Variants in C4orf50 observed in about 807,000 individuals in gnomAD.
C4orf50 encodes chromosome 4 open reading frame 50, also known as uncharacterized protein C4orf50.
Under a neutral mutation model 77.2 loss-of-function variants are expected in C4orf50, and 80 were observed. The observed-to-expected ratio is 1.04, with a 90% CI of 0.87 to 1.25. The LOEUF is 1.25. C4orf50 is among the 50% of genes most tolerant of loss of function. C4orf50 has a pLI of 0.00. For synonymous variants in C4orf50, 532 were observed against 465.3 expected, an observed-to-expected ratio of 1.14 and a Z score of -1.84; for missense variants, 1,257 against 1,152.9, an observed-to-expected ratio of 1.09 and a Z score of -1.31.
chr4:5,979,068 T>C (rs1464867321), intron 29 of C4orf50, among the ~76,000 whole-genome samples: 1 of 152,224 alleles, frequency 6.6e-6, no homozygotes, highest in Non-Finnish European at 1.5e-5. Flanking sequence ...GATAACGAGT[T>C]ATGGGCAAAT....
rs1280812498 is a variant in C4orf50, at chr4:5,973,666, AC to A, written c.4096del (p.Val1366SerfsTer14). ...CCATCTCTGGGACTCTACCTCTGGG[AC>A]TCCCGGAGCCAGGAAGGTGGCCGTG... On this transcript the variant is annotated frameshift_variant, in exon 31 of 34. Coordinates refer to ENST00000531445, the Ensembl canonical transcript of C4orf50. LOFTEE classifies it high-confidence loss of function. The A allele has an allele frequency of 6.2e-7, 1 of 1,611,280 alleles. No homozygotes were observed. Among genetic ancestry groups the A allele is most frequent in the East Asian group, 2.2e-5 (1 of 44,790 alleles).
rs917040467 is a variant in C4orf50, at chr4:5,908,582, A to G, written c.*2475-10394T>C. ...CGACCATGCGATGGGGAGGGGGGAA[A>G]GCCCTGGGGTATCAGAAAATGAGGG... On this transcript the variant is annotated intron_variant, in intron 7 of 7. Coordinates refer to the C4orf50 transcript ENST00000324058. The surrounding 1 kb of genome is among the most constrained non-coding windows in gnomAD (Gnocchi z 5.6). Among the ~76,000 whole-genome samples, 4 of 152,182 alleles carry G rather than the reference A, an allele frequency of 2.6e-5. No homozygotes were observed. The highest frequency in any genetic ancestry group is 2.0e-4 in the Admixed American group (3 of 15,282).
chr4:5,911,544 C>T (rs1716806998), intron 7 of C4orf50, among the ~76,000 whole-genome samples: 1 of 152,204 alleles, frequency 6.6e-6, no homozygotes, highest in South Asian at 2.1e-4. Context: ...GCCTACAGGT[C>T]CATCAGAATG....
rs1157795284 is a variant in C4orf50 at position 6,017,357 on chromosome 4, C to T, written c.287+788G>A. On this transcript the variant is annotated intron_variant, in intron 23 of 33. Transcript: ENST00000531445. The surrounding 1 kb of genome is among the most constrained non-coding windows in gnomAD (Gnocchi z 4.7). Reference sequence around the variant, plus strand: ...CGGGAGCTGGGACCGCAGAGGAAGCCGAGAGCACATCTGAGTTACAGCCAC... The same window carrying T: ...CGGGAGCTGGGACCGCAGAGGAAGCTGAGAGCACATCTGAGTTACAGCCAC... Among the ~76,000 whole-genome samples the T allele has an allele frequency of 2.0e-5, 3 of 152,158 alleles. No individual in the cohort carries two copies. Among genetic ancestry groups the T allele is most frequent in the Admixed American group, 6.5e-5 (1 of 15,276 alleles).
At chr4:5,911,439 G>A (rs1370743229) in intron 7 of C4orf50, among the ~76,000 whole-genome samples, 2 of 152,164 alleles carry the variant, frequency 1.3e-5, no homozygotes, top group African/African-American at 4.8e-5. Context: ...GTGAAGCCAG[G>A]GAGGGAATGC....
At chr4:5,912,728 C>T (rs1164592574) in intron 7 of C4orf50, among the ~76,000 whole-genome samples, 1 of 152,164 alleles carries the variant, frequency 6.6e-6, no homozygotes, top group Non-Finnish European at 1.5e-5. Flanking sequence ...GAGAGCCTGG[C>T]CCAGAGCCTT....
chr4:6,003,905 T>C (rs1721998773), intron 25 of C4orf50, among the ~76,000 whole-genome samples: 1 of 93,914 alleles, frequency 1.1e-5, no homozygotes, highest in African/African-American at 4.5e-5. Flanking sequence ...GATGTGATGG[T>C]GATGTTGATG....
At chr4:6,004,235 ATGATGATGGTGATGATGG>A (rs1560598854) in intron 25 of C4orf50, among the ~76,000 whole-genome samples, 1 of 26,614 alleles carries the variant, frequency 3.8e-5, no homozygotes, top group African/African-American at 1.4e-4. Flanking sequence ...TGTGATGGTG[ATGATGATGGTGATGATGG>A]TGATGGTGAT....
In C4orf50 at chr4:5,908,690, C is replaced by A. The variant is rs371454054; in HGVS notation, c.*2475-10502G>T. ...AGCTCCTCAATGAGAGAACACCATC[C>A]GATAGGAGAGACCAATACATACGTG... On this transcript the variant is annotated intron_variant, in intron 7 of 7. Coordinates refer to the C4orf50 transcript ENST00000324058. This position sits in a 1 kb window ranked among gnomAD's most constrained non-coding sequence, Gnocchi z 5.6. Among the ~76,000 whole-genome samples, 1 of 152,108 alleles carries A rather than the reference C, an allele frequency of 6.6e-6. No homozygotes were observed. The highest frequency in any genetic ancestry group is 1.5e-5 in the Non-Finnish European group (1 of 68,038).
At chr4:5,952,417 C>CG (rs1414598658), downstream of C4orf50, among the ~76,000 whole-genome samples, 4 of 152,186 alleles carry the variant, frequency 2.6e-5, no homozygotes, top group Non-Finnish European at 4.4e-5. This position sits in a 1 kb window ranked among gnomAD's most constrained non-coding sequence, Gnocchi z 4.4. Flanking sequence ...GCAGTGGGGA[C>CG]GGCAGGCACC....
intron 24 of C4orf50, among the ~76,000 whole-genome samples, chr4:6,010,988 C>T (rs571101118): frequency 1.1e-4 from 16 of 152,290 alleles, no homozygotes; most frequent in African/African-American, 3.8e-4. Flanking sequence ...GAGGTTAAGT[C>T]ACTTGCCCAA....
intron 7 of C4orf50, among the ~76,000 whole-genome samples, chr4:5,946,805 G>A (rs186596854): frequency 2.6e-5 from 4 of 152,360 alleles, no homozygotes; most frequent in Admixed American, 6.5e-5. Context: ...TCCTTTGTTC[G>A]GATGTGCTCT....
intron 7 of C4orf50, among the ~76,000 whole-genome samples, chr4:5,937,343 A>T (rs1389925191): frequency 6.6e-6 from 1 of 152,178 alleles, no homozygotes. Context: ...AGGAAGTTAG[A>T]GATGCCAAGC....
chr4:5,898,370 G>GT (rs1716213636), intron 7 of C4orf50: 1 of 152,242 alleles, frequency 6.6e-6, no homozygotes, highest in African/African-American at 2.4e-5. Flanking sequence ...TTTCAAAGGG[G>GT]TGAGGGAAGG....
chr4:5,935,547 G>C (rs1717969743), intron 7 of C4orf50, among the ~76,000 whole-genome samples: 1 of 152,108 alleles, frequency 6.6e-6, no homozygotes, highest in Non-Finnish European at 1.5e-5. Context: ...CAGCACTTTG[G>C]GAGGTCAAGG....
chr4:5,984,732 T>C (rs556514223), intron 28 of C4orf50, among the ~76,000 whole-genome samples: 10 of 151,622 alleles, frequency 6.6e-5, no homozygotes, highest in Admixed American at 5.2e-4. Context: ...AGCCAAAAAG[T>C]CTGAATTTCT....
At chr4:5,947,355 C>T (rs1009955815) in intron 7 of C4orf50, among the ~76,000 whole-genome samples, 1 of 152,124 alleles carries the variant, frequency 6.6e-6, no homozygotes, top group African/African-American at 2.4e-5. Context: ...AACTCAATGC[C>T]CTTGGCCCTG....
At chr4:5,933,312 C>T (rs1209971910) in intron 7 of C4orf50, among the ~76,000 whole-genome samples, 2 of 152,362 alleles carry the variant, frequency 1.3e-5, no homozygotes, top group East Asian at 3.9e-4. Context: ...CTCTGGAAGG[C>T]TCCCTACTGA....
chr4:6,002,518 G>A (rs1342060539), intron 25 of C4orf50, among the ~76,000 whole-genome samples: 1 of 152,212 alleles, frequency 6.6e-6, no homozygotes, highest in East Asian at 1.9e-4. Context: ...CAGGTGATCT[G>A]GCCCTTACCT....
Sources: allele counts gnomAD v4.1 joint callset (sites outside exome capture counted in the v4.1 genomes callset), GRCh38; gene constraint gnomAD v4.1.1; non-coding constraint Gnocchi (gnomAD v3.1); transcripts MANE v1.5; gene names NCBI Gene and HGNC (gene_info 2026-07-23, HGNC 2026-07-21).